Variants in ZFHX3 observed in about 807,000 individuals in gnomAD.
ZFHX3 encodes the protein zinc finger homeobox 3.
A neutral mutation model predicts 279.1 loss-of-function variants in ZFHX3; 42 were observed. The ratio of observed to expected loss-of-function variants is 0.15; its 90% CI spans 0.12 to 0.19. The LOEUF (loss-of-function observed/expected upper bound fraction) is 0.19, where lower values mean the gene tolerates loss of function less well. ZFHX3 is among the 10% of genes least tolerant of loss of function. The pLI is 1.00. For missense variants in ZFHX3, 4,981 were observed against 4,754.0 expected (o/e 1.05, Z -1.40); for synonymous variants, 2,293 against 1,957.8 (o/e 1.17, Z -4.52).
At chr16:73,093,444 A>C in exon 8 of ZFHX3, 1 of 491,786 alleles carries the variant, frequency 2.0e-6, no homozygotes, top group Non-Finnish European at 4.1e-6. Flanking sequence ...CCTTTCGCTC[A>C]GCTCTTTTGG....
intron 3 of ZFHX3, among the ~76,000 whole-genome samples, chr16:73,341,115 G>T (rs959521261): frequency 1.3e-5 from 2 of 152,106 alleles, no homozygotes; most frequent in African/African-American, 4.8e-5. Context: ...GGCCGAGGTG[G>T]GTGGATCATG....
At chr16:72,810,611 T>C (rs778449577) in intron 7 of ZFHX3, among the ~76,000 whole-genome samples, 1 of 152,248 alleles carries the variant, frequency 6.6e-6, no homozygotes, top group Non-Finnish European at 1.5e-5. Context: ...GCCATGTTTA[T>C]AGTGGTCACT....
intron 2 of ZFHX3, among the ~76,000 whole-genome samples, chr16:73,672,133 T>C (rs1440283092): frequency 2.0e-5 from 3 of 152,160 alleles, no homozygotes; most frequent in East Asian, 3.9e-4. Context: ...ATAAGACAGA[T>C]TCAGATAGCA....
At chr16:73,535,703 G>C (rs373182506) in intron 2 of ZFHX3, among the ~76,000 whole-genome samples, 8 of 150,974 alleles carry the variant, frequency 5.3e-5, no homozygotes, top group East Asian at 2.0e-4. Context: ...TTGGCCCTTG[G>C]GTTCTATGTG....
At chr16:73,255,799 G>A (rs562477873) in intron 5 of ZFHX3, among the ~76,000 whole-genome samples, 68 of 152,298 alleles carry the variant, frequency 4.5e-4, no homozygotes, top group African/African-American at 1.6e-3. Flanking sequence ...ACATAATCCT[G>A]TACTGGCTAC....
At chr16:73,269,616 A>T (rs2014084799) in intron 4 of ZFHX3, among the ~76,000 whole-genome samples, 1 of 152,148 alleles carries the variant, frequency 6.6e-6, no homozygotes, top group Non-Finnish European at 1.5e-5. Context: ...CCTTCCACGA[A>T]TATTCATGTA....
chr16:73,773,826 T>C (rs2054047288), intron 1 of ZFHX3, among the ~76,000 whole-genome samples: 1 of 152,286 alleles, frequency 6.6e-6, no homozygotes, highest in South Asian at 2.1e-4. Context: ...CAACATTCCC[T>C]GGTACAACAC....
intron 4 of ZFHX3, among the ~76,000 whole-genome samples, chr16:73,317,826 A>T (rs1030552050): frequency 6.6e-5 from 10 of 152,234 alleles, no homozygotes; most frequent in African/African-American, 2.4e-4. Context: ...ATGGAGATGA[A>T]GGGATGGCAA....
chr16:73,094,427 TC>T (rs926646431), intron 7 of ZFHX3: 2 of 152,132 alleles, frequency 1.3e-5, no homozygotes, highest in Non-Finnish European at 2.9e-5. Flanking sequence ...TGGTTGTCTG[TC>T]CCCTCCCTTA....
intron 2 of ZFHX3, among the ~76,000 whole-genome samples, chr16:73,475,076 C>T (rs1025894433): frequency 6.6e-6 from 1 of 152,176 alleles, no homozygotes; most frequent in African/African-American, 2.4e-5. Context: ...CTTCCCTCTG[C>T]TCTCTGACTC....
intron 4 of ZFHX3, among the ~76,000 whole-genome samples, chr16:72,862,403 T>G (rs1294496467): frequency 1.3e-5 from 2 of 152,252 alleles, no homozygotes; most frequent in Non-Finnish European, 2.9e-5. Context: ...ATTTAGCATT[T>G]AACCTGCCTT....
chr16:73,614,276 C>T (rs1201146844), intron 2 of ZFHX3, among the ~76,000 whole-genome samples: 1 of 152,174 alleles, frequency 6.6e-6, no homozygotes, highest in Non-Finnish European at 1.5e-5. Context: ...GGTCATCCAG[C>T]CATTTACAAA....
intron 3 of ZFHX3, among the ~76,000 whole-genome samples, chr16:72,919,478 G>A (rs2039526995): frequency 2.0e-5 from 3 of 151,976 alleles, no homozygotes; most frequent in South Asian, 2.1e-4. Flanking sequence ...TACTTCAAAG[G>A]GTTCTCTCAC....
At chr16:73,747,038 G>C (rs1253373517) in intron 1 of ZFHX3, among the ~76,000 whole-genome samples, 4 of 152,178 alleles carry the variant, frequency 2.6e-5, no homozygotes, top group Non-Finnish European at 4.4e-5. Context: ...TCACAAATGA[G>C]TTTGTCCAAG....
chr16:73,064,873 C>G (rs1965727161), intron 8 of ZFHX3, among the ~76,000 whole-genome samples: 1 of 152,236 alleles, frequency 6.6e-6, no homozygotes, highest in African/African-American at 2.4e-5. Flanking sequence ...ACCGCCTGCA[C>G]CGCTGGCTAG....
intron 2 of ZFHX3, among the ~76,000 whole-genome samples, chr16:73,524,059 A>G (rs1567509083): frequency 1.3e-5 from 2 of 152,198 alleles, no homozygotes; most frequent in African/African-American, 2.4e-5. Flanking sequence ...GAACCATAGT[A>G]AGGGGTTGGC....
At chr16:72,986,448 G>A (rs752258302) in intron 1 of ZFHX3, among the ~76,000 whole-genome samples, 2 of 152,154 alleles carry the variant, frequency 1.3e-5, no homozygotes, top group Non-Finnish European at 2.9e-5. Flanking sequence ...ACTGAACATG[G>A]TCAAATGCTG....
chr16:73,795,763 A>G (rs1959970900), intron 1 of ZFHX3, among the ~76,000 whole-genome samples: 1 of 152,132 alleles, frequency 6.6e-6, no homozygotes, highest in Non-Finnish European at 1.5e-5. Context: ...TTCTTTGACA[A>G]CAGATGTTTA....
At chr16:73,752,297 C>T (rs2053768784) in intron 1 of ZFHX3, among the ~76,000 whole-genome samples, 1 of 152,086 alleles carries the variant, frequency 6.6e-6, no homozygotes, top group South Asian at 2.1e-4. Flanking sequence ...ACTCAAAATC[C>T]TTTGACTGGG....
Sources: allele counts gnomAD v4.1 joint callset (sites outside exome capture counted in the v4.1 genomes callset), GRCh38; gene constraint gnomAD v4.1.1; transcripts MANE v1.5; gene names NCBI Gene and HGNC (gene_info 2026-07-23, HGNC 2026-07-21).